CLSTN2: variants seen among roughly 807,000 people sequenced by gnomAD.
The protein encoded by CLSTN2 is calsyntenin 2.
Under a neutral mutation model 101.2 loss-of-function variants are expected in CLSTN2, and 48 were observed. That is an observed-to-expected ratio of 0.47 (90% CI 0.38 to 0.60). CLSTN2 has a LOEUF of 0.60. Ranked by LOEUF, CLSTN2 falls within the 20% of genes least tolerant of loss-of-function variation. The pLI, the probability that CLSTN2 is intolerant of heterozygous loss-of-function variation, is 0.00. For missense variants in CLSTN2, 1,160 were observed against 1,238.2 expected (o/e 0.94, Z 0.95); for synonymous variants, 481 against 463.6 (o/e 1.04, Z -0.48).
intron 2 of CLSTN2, among the ~76,000 whole-genome samples, chr3:140,213,024 A>T (rs2010877194): frequency 1.3e-5 from 2 of 152,190 alleles, no homozygotes; most frequent in South Asian, 4.1e-4. Context: ...AAATAAATGA[A>T]CCCATCATCA....
chr3:140,510,307 G>T (rs1398474533), intron 8 of CLSTN2, among the ~76,000 whole-genome samples: 2 of 152,150 alleles, frequency 1.3e-5, no homozygotes, highest in Non-Finnish European at 2.9e-5. Context: ...TGTGGAAAGG[G>T]AGATCTGATT....
chr3:140,535,829 CT>C (rs1935348465), intron 9 of CLSTN2, among the ~76,000 whole-genome samples: 1 of 152,220 alleles, frequency 6.6e-6, no homozygotes, highest in Non-Finnish European at 1.5e-5. Flanking sequence ...TGCCTATGCT[CT>C]TTTCACTGTG....
intron 9 of CLSTN2, among the ~76,000 whole-genome samples, chr3:140,545,535 C>T (rs1017420699): frequency 1.3e-5 from 2 of 152,214 alleles, no homozygotes; most frequent in Admixed American, 1.3e-4. Context: ...ATGCGTTGTT[C>T]TTCTTCTCTG....
chr3:140,331,976 A>C (rs1233822887), intron 2 of CLSTN2, among the ~76,000 whole-genome samples: 1 of 152,210 alleles, frequency 6.6e-6, no homozygotes, highest in Non-Finnish European at 1.5e-5. Flanking sequence ...AGTGTTTTCC[A>C]ATAATATGCT....
chr3:140,421,426 T>G, intron 5 of CLSTN2, 152 bp downstream of exon 5: 1 of 913,548 alleles, frequency 1.1e-6, no homozygotes, highest in Non-Finnish European at 1.6e-6. Context: ...CTCACAACTC[T>G]TAGGTGATAT....
At chr3:139,978,353 G>A (rs889503759) in intron 1 of CLSTN2, among the ~76,000 whole-genome samples, 1 of 152,178 alleles carries the variant, frequency 6.6e-6, no homozygotes, top group Non-Finnish European at 1.5e-5. Context: ...ATATGTGAGA[G>A]CGTGGGACAG....
intron 1 of CLSTN2, among the ~76,000 whole-genome samples, chr3:140,064,765 A>G (rs541751763): frequency 6.6e-6 from 1 of 152,342 alleles, no homozygotes; most frequent in Non-Finnish European, 1.5e-5. Context: ...TTTATAAGTG[A>G]ATCTAAAAGC....
chr3:140,113,440 C>T (rs148426741), intron 1 of CLSTN2, among the ~76,000 whole-genome samples: 1 of 152,334 alleles, frequency 6.6e-6, no homozygotes, highest in Non-Finnish European at 1.5e-5. Flanking sequence ...GTAATCTCAA[C>T]CCGGGGTTCT....
At chr3:140,497,981 G>A (rs928930607) in intron 8 of CLSTN2, among the ~76,000 whole-genome samples, 1 of 152,146 alleles carries the variant, frequency 6.6e-6, no homozygotes, top group African/African-American at 2.4e-5. Flanking sequence ...GCCCCACCCT[G>A]CTTTTCTTCC....
intron 1 of CLSTN2, among the ~76,000 whole-genome samples, chr3:139,979,711 C>T (rs1935884350): frequency 6.6e-6 from 1 of 150,416 alleles, no homozygotes; most frequent in Admixed American, 6.6e-5. Context: ...GAATAGTATC[C>T]CTGAGGAATA....
Position 140,208,948 on chromosome 3 carries a change from G to A in CLSTN2, c.232+32875G>A, listed in dbSNP as rs376940944. On this transcript the variant is annotated intron_variant, in intron 2 of 16. Transcript: ENST00000458420. Reference sequence around the variant, plus strand: ...CACCCCACCGCCACCTTCACTGTCTGGCTATTTCACAGTCTGAAAAGATAC... The same window carrying A: ...CACCCCACCGCCACCTTCACTGTCTAGCTATTTCACAGTCTGAAAAGATAC... Among the ~76,000 whole-genome samples the A allele has an allele frequency of 1.8e-4, 27 of 152,210 alleles. No individual in the cohort carries two copies. In the East Asian group the frequency reaches 3.1e-3, roughly 17 times the overall value.
intron 1 of CLSTN2, among the ~76,000 whole-genome samples, chr3:140,130,602 C>T (rs1354416688): frequency 6.6e-6 from 1 of 152,078 alleles, no homozygotes; most frequent in African/African-American, 2.4e-5. Flanking sequence ...CTTAGAGGCT[C>T]ACATTCTTCT....
chr3:140,524,369 G>A (rs1031999072), intron 8 of CLSTN2, among the ~76,000 whole-genome samples: 2 of 152,212 alleles, frequency 1.3e-5, no homozygotes, highest in African/African-American at 2.4e-5. Context: ...TTGGTTACGT[G>A]TGAAGTGAAA....
At chr3:140,407,989 C>T (rs1446758127) in intron 4 of CLSTN2, among the ~76,000 whole-genome samples, 2 of 152,148 alleles carry the variant, frequency 1.3e-5, no homozygotes, top group Admixed American at 1.3e-4. Flanking sequence ...AGAAGGAGAT[C>T]CCAGCCTTCA....
intron 2 of CLSTN2, among the ~76,000 whole-genome samples, chr3:140,274,172 A>G (rs1025837180): frequency 1.3e-5 from 2 of 152,042 alleles, no homozygotes; most frequent in East Asian, 1.9e-4. Flanking sequence ...TGTGCCCCTC[A>G]TGGGAGGGTC....
At position 140,532,450 on chromosome 3, in the gene CLSTN2, A is replaced by G; in HGVS notation, c.1471A>G (p.Ile491Val). Reference sequence around the variant, plus strand: ...CGACTGGCCCATTCATCCATCTCACATAGCCATGCAACTCACAGTCGGCGC... The same window carrying G: ...CGACTGGCCCATTCATCCATCTCACGTAGCCATGCAACTCACAGTCGGCGC... Reference protein sequence around the residue: ...TNDWPIHPSHIAMQLTVGACW... With the variant: ...TNDWPIHPSHVAMQLTVGACW... Residue 491 changes from isoleucine (I) to valine (V), a missense_variant, in exon 9 of 17, where the codon ATA (isoleucine) becomes GTA (valine). Physicochemically the swap from Ile to Val is conservative, Grantham distance 29. Coordinates refer to ENST00000458420, the MANE Select transcript of CLSTN2 (RefSeq NM_022131.3). 2.5e-6 allele frequency: 4 copies of G among 1,613,972 alleles called. No individual in the cohort carries two copies. Among genetic ancestry groups the G allele is most frequent in the South Asian group, 1.1e-5 (1 of 91,034 alleles).
intron 4 of CLSTN2, among the ~76,000 whole-genome samples, chr3:140,407,020 G>GT (rs2088311407): frequency 6.6e-6 from 1 of 152,208 alleles, no homozygotes; most frequent in Non-Finnish European, 1.5e-5. Context: ...TCTAATGCTG[G>GT]TTTACAACCT....
At chr3:140,497,150 G>T (rs1337976384) in intron 8 of CLSTN2, among the ~76,000 whole-genome samples, 6 of 151,728 alleles carry the variant, frequency 4.0e-5, no homozygotes, top group Non-Finnish European at 1.5e-5. Flanking sequence ...GGTAGAGCAG[G>T]TGTGCAGTGT....
chr3:140,175,321 C>A (rs1352373830), intron 1 of CLSTN2, among the ~76,000 whole-genome samples: 2 of 150,128 alleles, frequency 1.3e-5, no homozygotes, highest in Non-Finnish European at 3.0e-5. Context: ...TATTGAAGAA[C>A]AATTTAAGTT....
Sources: gnomAD v4.1 joint callset for allele counts (sites outside exome capture counted in the v4.1 genomes callset) on GRCh38, gnomAD v4.1.1 for gene constraint, MANE v1.5 for transcripts, NCBI Gene and HGNC (gene_info 2026-07-23, HGNC 2026-07-21) for gene names.